Variants in RNF121 observed in about 807,000 individuals in gnomAD.
RNF121 encodes E3 ubiquitin ligase RNF121.
RNF121 carries 21 observed loss-of-function variants against 46.5 expected under a neutral mutation model. The ratio of observed to expected loss-of-function variants is 0.45; its 90% confidence interval spans 0.32 to 0.65. The LOEUF (loss-of-function observed/expected upper bound fraction) is 0.65, where lower values mean the gene tolerates loss of function less well. Ranked by LOEUF, RNF121 falls within the 30% of genes least tolerant of loss-of-function variation. The pLI is 0.04. For synonymous variants in RNF121, 139 were observed against 144.7 expected (o/e 0.96, Z 0.28); for missense variants, 346 against 416.0 (o/e 0.83, Z 1.46).
intron 4 of RNF121, among the ~76,000 whole-genome samples, chr11:71,983,337 T>C (rs1245547844): frequency 6.6e-6 from 1 of 152,224 alleles, no homozygotes; most frequent in African/African-American, 2.4e-5. Context: ...TCTCCCTCAC[T>C]AAACTCTAAC....
At position 71,990,623 on chromosome 11, in the gene RNF121, T is replaced by G; in HGVS notation, c.533T>G (p.Phe178Cys). 6.2e-7 allele frequency: 1 copy of G among 1,614,126 alleles called. No homozygotes were observed. The highest frequency in any genetic ancestry group is 2.2e-5 in the East Asian group (1 of 44,882). ...ATCAAACCAGAAGATGCCATGGACT[T>G]TGGCATCTCCCTTCTCTTCTATGGC... is the stretch of plus-strand genomic sequence containing the variant. ...FKIKPEDAMD[F>C]GISLLFYGLY... Residue 178 changes from phenylalanine (F) to cysteine (C), a missense_variant, in exon 6 of 9, where the codon TTT (phenylalanine) becomes TGT (cysteine). Phe to Cys is a radical substitution (Grantham distance 205, BLOSUM62 -2). Transcript: ENST00000361756.
intron 1 of RNF121, among the ~76,000 whole-genome samples, chr11:71,929,493 T>C (rs1953211030): frequency 6.6e-6 from 1 of 151,928 alleles, no homozygotes; most frequent in Non-Finnish European, 1.5e-5. Context: ...GGGCTTCTAC[T>C]GTGGGAGAGG....
chr11:71,994,663 A>G, intron 6 of RNF121, 56 bp from the exon 7 acceptor site: 2 of 1,608,570 alleles, frequency 1.2e-6, no homozygotes, highest in East Asian at 2.2e-5. Flanking sequence ...GGAGCTTCCT[A>G]CTTTGGCTGC....
chr11:71,993,478 G>GTCTCT (rs1954906974), intron 6 of RNF121, among the ~76,000 whole-genome samples: 1 of 151,766 alleles, frequency 6.6e-6, no homozygotes. Flanking sequence ...TTGTCCCTTT[G>GTCTCT]GCTTTTTTCA....
chr11:71,973,335 G>C (rs1180341874), intron 3 of RNF121, among the ~76,000 whole-genome samples: 1 of 151,874 alleles, frequency 6.6e-6, no homozygotes, highest in Non-Finnish European at 1.5e-5. Flanking sequence ...TCTTAAAAAA[G>C]AAAAAATTAG....
chr11:71,985,298 T>C (rs1954751274), intron 4 of RNF121, among the ~76,000 whole-genome samples: 1 of 152,170 alleles, frequency 6.6e-6, no homozygotes, highest in African/African-American at 2.4e-5. Flanking sequence ...TACCAGGAAA[T>C]GGGCTCTGTA....
At chr11:71,960,917 TTGTC>T (rs2134177124) in intron 3 of RNF121, 26 bp downstream of exon 3, 1 of 1,610,024 alleles carries the variant, frequency 6.2e-7, no homozygotes, top group Non-Finnish European at 8.5e-7. Flanking sequence ...TCTTACTTCT[TTGTC>T]TGTCAGTCAT....
intron 3 of RNF121, among the ~76,000 whole-genome samples, chr11:71,977,917 T>C (rs72956140): frequency 7.2e-5 from 11 of 152,338 alleles, no homozygotes; most frequent in Admixed American, 4.6e-4. Flanking sequence ...CAAATGTGTC[T>C]CCATAAATGT....
chr11:71,990,712 A>G lies in RNF121; in HGVS notation c.622A>G (p.Ile208Val). 4 of 1,613,998 alleles carry G rather than the reference A, an allele frequency of 2.5e-6. No homozygotes were observed. Among genetic ancestry groups the G allele is most frequent in the Non-Finnish European group, 3.4e-6 (4 of 1,179,980 alleles). ...GTGTGCAGACTACATGGCATCTACCATAGGGGTAAGTTCATCCGGGTTCTT... is the reference window on the plus strand; with the variant it reads ...GTGTGCAGACTACATGGCATCTACCGTAGGGGTAAGTTCATCCGGGTTCTT... ...EMCADYMAST[I>V]GFYSESGMPT... Residue 208 changes from isoleucine (I) to valine (V), a missense_variant, in exon 6 of 9, where the codon ATA becomes GTA. Coordinates refer to ENST00000361756, the MANE Select transcript of RNF121 (RefSeq NM_018320.5).
chr11:71,984,355 G>A (rs572202430), intron 4 of RNF121, among the ~76,000 whole-genome samples: 2 of 147,328 alleles, frequency 1.4e-5, no homozygotes, highest in Admixed American at 6.7e-5. Flanking sequence ...CGGCTCACTC[G>A]TGCAAGCTCC....
chr11:71,966,999 G>A (rs1954291480), intron 3 of RNF121, among the ~76,000 whole-genome samples: 1 of 148,346 alleles, frequency 6.7e-6, no homozygotes, highest in South Asian at 2.1e-4. Flanking sequence ...AGCCTCCCGA[G>A]TAGCTGGGAC....
At chr11:71,946,060 A>G (rs1002455283) in intron 1 of RNF121, among the ~76,000 whole-genome samples, 3 of 151,976 alleles carry the variant, frequency 2.0e-5, no homozygotes, top group Admixed American at 1.3e-4. Context: ...GCAGTGAGTT[A>G]TGTTTGTGCC....
rs1355406994 is a variant in RNF121, at chr11:71,996,415, G to C, written c.*100G>C. 2 of 1,447,866 alleles carry C rather than the reference G, an allele frequency of 1.4e-6. No individual in the cohort carries two copies. Among genetic ancestry groups the C allele is most frequent in the Non-Finnish European group, 1.9e-6 (2 of 1,069,228 alleles). 89.7% of individuals were successfully genotyped at this position (1,447,866 alleles called of 1,614,324 possible). ...ACCTCCTGGGTGGGAAAGACTCAAA[G>C]GGGTGCTTGGGCCACTCAGGACCCC... is the stretch of plus-strand genomic sequence containing the variant. On this transcript the variant is annotated 3_prime_UTR_variant, in exon 9 of 9. Coordinates refer to ENST00000361756, the MANE Select transcript of RNF121 (RefSeq NM_018320.5).
intron 1 of RNF121, among the ~76,000 whole-genome samples, chr11:71,930,290 T>G (rs1229485891): frequency 6.6e-6 from 1 of 152,072 alleles, no homozygotes; most frequent in Non-Finnish European, 1.5e-5. Flanking sequence ...GTCAGAATCT[T>G]AGAGGCCCCT....
At chr11:71,969,082 T>C (rs923674003) in intron 3 of RNF121, among the ~76,000 whole-genome samples, 4 of 152,002 alleles carry the variant, frequency 2.6e-5, no homozygotes, top group Non-Finnish European at 5.9e-5. Flanking sequence ...AGACAGAGTT[T>C]CACCATGTTG....
intron 1 of RNF121, among the ~76,000 whole-genome samples, chr11:71,934,907 TG>T (rs1953368127): frequency 6.6e-6 from 1 of 151,476 alleles, no homozygotes; most frequent in African/African-American, 2.4e-5. Flanking sequence ...ACTTATTCTG[TG>T]CCTAGTCCTG....
At chr11:71,963,610 CTCCT>C (rs1199502877) in intron 3 of RNF121, among the ~76,000 whole-genome samples, 1 of 151,766 alleles carries the variant, frequency 6.6e-6, no homozygotes, top group Non-Finnish European at 1.5e-5. Context: ...CAGAGCAAGA[CTCCT>C]TCCCAAAAAA....
chr11:71,962,379 A>G, intron 3 of RNF121: 1 of 760,994 alleles, frequency 1.3e-6, no homozygotes, highest in Non-Finnish European at 1.6e-6. Flanking sequence ...TCTTAAGGAA[A>G]AACTCAATCT....
intron 1 of RNF121, among the ~76,000 whole-genome samples, chr11:71,945,824 G>A (rs1037600901): frequency 3.3e-5 from 5 of 152,144 alleles, no homozygotes; most frequent in Non-Finnish European, 5.9e-5. Context: ...GTAAAAAATG[G>A]GCAAAAGGCC....
Sources: gnomAD v4.1 joint callset for allele counts (sites outside exome capture counted in the v4.1 genomes callset) on GRCh38, gnomAD v4.1.1 for gene constraint, MANE v1.5 for transcripts, NCBI Gene and HGNC (gene_info 2026-07-23, HGNC 2026-07-21) for gene names.